LIN28B: variants seen among roughly 807,000 people sequenced by gnomAD.
LIN28B encodes lin-28 RNA binding posttranscriptional regulator B.
Under a neutral mutation model 21.9 loss-of-function variants are expected in LIN28B, and 5 were observed. That is an observed-to-expected ratio of 0.23 (90% CI 0.12 to 0.48). The LOEUF is 0.48. LIN28B is among the 20% of genes least tolerant of loss of function. LIN28B has a pLI of 0.98. For synonymous variants in LIN28B, 109 were observed against 111.3 expected, an observed-to-expected ratio of 0.98 and a Z score of 0.13; for missense variants, 245 against 310.5, an observed-to-expected ratio of 0.79 and a Z score of 1.58.
At chr6:105,042,000 G>A (rs961248415) in intron 3 of LIN28B, among the ~76,000 whole-genome samples, 1 of 152,074 alleles carries the variant, frequency 6.6e-6, no homozygotes, top group Non-Finnish European at 1.5e-5. Flanking sequence ...GTGCCAAGAG[G>A]GATAGAATTC....
At chr6:104,952,733 A>C (rs888110993), upstream of LIN28B, among the ~76,000 whole-genome samples, 3 of 152,192 alleles carry the variant, frequency 2.0e-5, no homozygotes, top group Non-Finnish European at 4.4e-5. Flanking sequence ...ATTTGTGTGG[A>C]AAACTTAAAA....
chr6:105,025,491 A>C (rs1411827267), intron 2 of LIN28B, among the ~76,000 whole-genome samples: 1 of 152,192 alleles, frequency 6.6e-6, no homozygotes, highest in Non-Finnish European at 1.5e-5. Flanking sequence ...TTTCCTTTCA[A>C]ATTATAAAAA....
At chr6:104,971,597 A>C (rs1284116650) in intron 2 of LIN28B, among the ~76,000 whole-genome samples, 3 of 152,164 alleles carry the variant, frequency 2.0e-5, no homozygotes, top group Non-Finnish European at 4.4e-5. Context: ...TGTTGATAAC[A>C]GTGGGTTATC....
intron 2 of LIN28B, among the ~76,000 whole-genome samples, chr6:104,949,654 T>C (rs931056706): frequency 6.6e-6 from 1 of 152,182 alleles, no homozygotes; most frequent in Non-Finnish European, 1.5e-5. Flanking sequence ...AGTGCATGCA[T>C]GTTCACACCA....
intron 2 of LIN28B, among the ~76,000 whole-genome samples, chr6:105,000,899 C>T (rs1159246068): frequency 5.3e-5 from 8 of 152,062 alleles, no homozygotes; most frequent in Non-Finnish European, 8.8e-5. Context: ...TTTTGTATTC[C>T]GAGTTTCACC....
intron 2 of LIN28B, among the ~76,000 whole-genome samples, chr6:105,010,043 A>G (rs928882424): frequency 6.6e-6 from 1 of 152,274 alleles, no homozygotes. Context: ...AATATTGTCT[A>G]AAATCTGTTA....
intron 2 of LIN28B, among the ~76,000 whole-genome samples, chr6:105,024,689 G>A (rs1452316093): frequency 2.6e-5 from 4 of 152,128 alleles, no homozygotes; most frequent in Non-Finnish European, 5.9e-5. Flanking sequence ...CTAGAAGCAG[G>A]TTAATAACCC....
intron 2 of LIN28B, among the ~76,000 whole-genome samples, chr6:104,982,353 G>A (rs1315924502): frequency 1.3e-5 from 2 of 151,966 alleles, no homozygotes; most frequent in East Asian, 1.9e-4. Flanking sequence ...AATTTGAATG[G>A]CCTCCAATTC....
intron 3 of LIN28B, among the ~76,000 whole-genome samples, chr6:105,047,928 T>C (rs1353347777): frequency 6.6e-6 from 1 of 152,222 alleles, no homozygotes; most frequent in Non-Finnish European, 1.5e-5. Context: ...GCTGAGACGA[T>C]GTGGTTTTCT....
rs1323383395 is a variant in LIN28B at position 104,962,252 on chromosome 6, ATC to A, written c.198+3970_198+3971del. On this transcript the variant is annotated intron_variant, in intron 2 of 3. Transcript: ENST00000345080. The stretch of plus-strand genomic sequence containing the variant: ...TTCATAATGTATGCATAATGTATGT[ATC>A]TCTTTTTTTCTCAAAGAGAAAGAGT... Among the ~76,000 whole-genome samples, 14 of 152,206 alleles carry A rather than the reference ATC, an allele frequency of 9.2e-5. No individual in the cohort carries two copies. In the East Asian group the frequency reaches 2.7e-3, roughly 29 times the overall value.
intron 2 of LIN28B, among the ~76,000 whole-genome samples, chr6:104,959,964 A>G (rs1011255586): frequency 2.6e-5 from 4 of 152,194 alleles, no homozygotes; most frequent in African/African-American, 9.6e-5. Flanking sequence ...ACCAATGTTA[A>G]TGTTTAGAAC....
At chr6:104,953,870 A>T (rs1778252414), upstream of LIN28B, among the ~76,000 whole-genome samples, 1 of 152,202 alleles carries the variant, frequency 6.6e-6, no homozygotes, top group Non-Finnish European at 1.5e-5. Flanking sequence ...AGAAGAACCG[A>T]AGCATTGTTT....
intron 3 of LIN28B, among the ~76,000 whole-genome samples, chr6:105,034,155 G>A (rs1438393682): frequency 1.3e-5 from 2 of 151,816 alleles, no homozygotes; most frequent in East Asian, 3.9e-4. Flanking sequence ...ACTGTTCATG[G>A]TTTCTTTTTT....
intron 3 of LIN28B, among the ~76,000 whole-genome samples, chr6:105,055,989 G>A (rs1248710436): frequency 7.6e-6 from 1 of 131,714 alleles, no homozygotes; most frequent in African/African-American, 2.9e-5. Flanking sequence ...CTGAACTCCT[G>A]GGCTCAAGCA....
intron 3 of LIN28B, among the ~76,000 whole-genome samples, chr6:105,054,552 A>T (rs984222680): frequency 6.6e-6 from 1 of 152,200 alleles, no homozygotes; most frequent in African/African-American, 2.4e-5. Flanking sequence ...CTTATGGACA[A>T]AATGTCTTGG....
chr6:105,074,594 A>C (rs1472645721), intron 3 of LIN28B, among the ~76,000 whole-genome samples: 1 of 152,180 alleles, frequency 6.6e-6, no homozygotes, highest in Non-Finnish European at 1.5e-5. Context: ...ACGCTCCTTA[A>C]ATAAGAAATA....
At chr6:104,990,640 A>G (rs922594945) in intron 2 of LIN28B, among the ~76,000 whole-genome samples, 1 of 150,836 alleles carries the variant, frequency 6.6e-6, no homozygotes, top group African/African-American at 2.4e-5. Context: ...ATAGGACAAT[A>G]GTGGAGGGAA....
intron 3 of LIN28B, among the ~76,000 whole-genome samples, chr6:105,059,178 G>A (rs138905494): frequency 6.6e-6 from 1 of 151,882 alleles, no homozygotes; most frequent in Non-Finnish European, 1.5e-5. Flanking sequence ...TTTCTTGAAT[G>A]CGAAACTGTA....
At chr6:105,013,106 C>G (rs1327188533) in intron 2 of LIN28B, among the ~76,000 whole-genome samples, 2 of 152,076 alleles carry the variant, frequency 1.3e-5, no homozygotes, top group Non-Finnish European at 2.9e-5. Flanking sequence ...ACCTCCACCT[C>G]CCAGGTTCGA....
Sources: allele counts gnomAD v4.1 joint callset (sites outside exome capture counted in the v4.1 genomes callset), GRCh38; gene constraint gnomAD v4.1.1; transcripts MANE v1.5; gene names NCBI Gene and HGNC (gene_info 2026-07-23, HGNC 2026-07-21).